Variants in ADCK2 observed in about 807,000 individuals in gnomAD.
ADCK2 encodes uncharacterized aarF domain-containing protein kinase 2.
ADCK2 carries 37 observed loss-of-function variants against 52.3 expected under a neutral mutation model. That is an observed-to-expected ratio of 0.71 (90% confidence interval 0.54 to 0.93). The LOEUF (loss-of-function observed/expected upper bound fraction) is 0.93, where lower values mean the gene tolerates loss of function less well. ADCK2 is among the 40% of genes least tolerant of loss of function. The pLI, the probability that ADCK2 is intolerant of heterozygous loss-of-function variation, is 0.00. For synonymous variants in ADCK2, 321 were observed against 349.2 expected (o/e 0.92, Z 0.90); for missense variants, 695 against 798.7 (o/e 0.87, Z 1.56).
chr7:140,679,007 C>A, intron 2 of ADCK2, 148 bp from the exon 3 acceptor site: 1 of 982,352 alleles, frequency 1.0e-6, no homozygotes, highest in Non-Finnish European at 1.5e-6. Context: ...CCACGGATGT[C>A]GCCTCCTGAG....
intron 3 of ADCK2, among the ~76,000 whole-genome samples, chr7:140,680,787 G>T (rs1794502019): frequency 6.6e-6 from 1 of 151,990 alleles, no homozygotes; most frequent in Non-Finnish European, 1.5e-5. Flanking sequence ...TTGACTTTCC[G>T]AGTTGAGGTG....
At position 140,673,684 on chromosome 7, in the gene ADCK2, C is replaced by T. The variant is rs200557441; in HGVS notation, c.354C>T (p.Pro118=). 10 of 1,611,724 alleles carry T rather than the reference C, an allele frequency of 6.2e-6. No individual in the cohort carries two copies. The East Asian group carries it at 1.8e-4, about 29-fold the overall frequency. The change falls in exon 1 of 8, where the codon CCC becomes CCT. Residue 118 remains proline (P), a synonymous_variant. Coordinates refer to ENST00000072869, the MANE Select transcript of ADCK2 (RefSeq NM_052853.4). The surrounding 1 kb of genome is among the most constrained non-coding windows in gnomAD (Gnocchi z 6.4). ...VKFFPLLLLY[P]LTYLAPSVST... The stretch of plus-strand genomic sequence containing the variant: ...TCTTCCCCCTCCTACTCCTCTACCC[C>T]CTCACCTACCTGGCTCCCAGCGTCT...
intron 3 of ADCK2, among the ~76,000 whole-genome samples, chr7:140,680,431 G>A (rs890209867): frequency 2.6e-5 from 4 of 151,582 alleles, no homozygotes; most frequent in Admixed American, 6.6e-5. Flanking sequence ...AGGATTATAC[G>A]TGTTAGCCAC....
At chr7:140,680,808 A>T (rs1476304391) in intron 3 of ADCK2, among the ~76,000 whole-genome samples, 1 of 151,658 alleles carries the variant, frequency 6.6e-6, no homozygotes, top group Non-Finnish European at 1.5e-5. Flanking sequence ...GTTCTCCCTC[A>T]TGTTGTCCAG....
Position 140,679,247 on chromosome 7 carries a change from C to A in ADCK2, c.1173C>A (p.Pro391=), listed in dbSNP as rs1794474641. 1 of 1,613,986 alleles carries A rather than the reference C, an allele frequency of 6.2e-7. No homozygotes were observed. Residue 391 remains proline, a synonymous_variant, in exon 3 of 8, where the codon CCC becomes CCA. Transcript: ENST00000072869. The stretch of plus-strand genomic sequence containing the variant: ...TCAAGTTCCCCACCCCTCTGCGCCC[C>A]TTTGTCACCAGAGAAGTCTTGGTGG... The part of the protein sequence containing the change: ...KAVKFPTPLR[P]FVTREVLVET...
At chr7:140,688,081 G>A (rs1042512095) in intron 5 of ADCK2, among the ~76,000 whole-genome samples, 2 of 148,436 alleles carry the variant, frequency 1.3e-5, no homozygotes, top group African/African-American at 5.0e-5. Context: ...GTCTCGCTCT[G>A]TCACCCAGGC....
At chr7:140,689,753 C>T in intron 6 of ADCK2, 28 bp downstream of exon 6, 1 of 1,590,620 alleles carries the variant, frequency 6.3e-7, no homozygotes, top group Non-Finnish European at 8.6e-7. Flanking sequence ...GGAACAGGGG[C>T]TGGGGAGTCC....
At chr7:140,694,112 G>C (rs929353627) in intron 7 of ADCK2, among the ~76,000 whole-genome samples, 6 of 152,112 alleles carry the variant, frequency 3.9e-5, no homozygotes, top group Non-Finnish European at 7.4e-5. Context: ...CTTGGGGCCA[G>C]GAGTTCGAGA....
intron 6 of ADCK2, among the ~76,000 whole-genome samples, 180 bp from the exon 7 acceptor site, chr7:140,690,580 G>A (rs1410939228): frequency 4.6e-5 from 7 of 151,958 alleles, no homozygotes; most frequent in Admixed American, 4.6e-4. Context: ...GTGGAGTTGG[G>A]CTTGTGCTGG....
chr7:140,674,254 G>A lies in ADCK2; in HGVS notation c.924G>A (p.Val308=). The change falls in exon 1 of 8, where the codon GTG becomes GTA. Residue 308 remains valine, a synonymous_variant. Transcript: ENST00000072869. This position sits in a 1 kb window ranked among gnomAD's most constrained non-coding sequence, Gnocchi z 4.6. ...HQPEATNLIS[V]AVKVLHPGLL... The stretch of plus-strand genomic sequence containing the variant: ...CTGAGGCCACCAACCTCATCTCCGT[G>A]GCAGTGAAAGTAAGTGTTGTGAGAG... 6.2e-7 allele frequency: 1 copy of A among 1,610,596 alleles called. No individual in the cohort carries two copies. Among genetic ancestry groups the A allele is most frequent in the East Asian group, 2.2e-5 (1 of 44,826 alleles).
rs775500142 is a variant in ADCK2 at position 140,674,780 on chromosome 7, G to A, written c.1080+23G>A. On this transcript the variant is annotated intron_variant, in intron 2 of 7. Coordinates refer to ENST00000072869, the MANE Select transcript of ADCK2 (RefSeq NM_052853.4). This position sits in a 1 kb window ranked among gnomAD's most constrained non-coding sequence, Gnocchi z 4.6. ...CAGGTGAGTTCTCCTCCCCTCAGCTGTAAATAGCACCTAACATAGTTCTTG... is the reference window on the plus strand; with the variant it reads ...CAGGTGAGTTCTCCTCCCCTCAGCTATAAATAGCACCTAACATAGTTCTTG... 1.9e-5 allele frequency: 30 copies of A among 1,609,904 alleles called. No homozygotes were observed. The highest frequency in any genetic ancestry group is 2.5e-5 in the Non-Finnish European group (30 of 1,177,334).
In ADCK2 at chr7:140,674,765, C is replaced by T. The variant is rs1430416603; in HGVS notation, c.1080+8C>T. ...AAGCTGATGGTCCAACAGGTGAGTTCTCCTCCCCTCAGCTGTAAATAGCAC... is the reference window on the plus strand; with the variant it reads ...AAGCTGATGGTCCAACAGGTGAGTTTTCCTCCCCTCAGCTGTAAATAGCAC... On this transcript the variant is annotated splice_region_variant and intron_variant, in intron 2 of 7. Transcript: ENST00000072869. The surrounding 1 kb of genome is among the most constrained non-coding windows in gnomAD (Gnocchi z 4.6). The T allele has an allele frequency of 1.9e-6, 3 of 1,612,996 alleles. No homozygotes were observed. In the African/African-American group the frequency reaches 4.0e-5, roughly 22 times the overall value.
At position 140,685,241 on chromosome 7, in the gene ADCK2, G is replaced by T. The variant is rs184297825; in HGVS notation, c.1306-1749G>T. On this transcript the variant is annotated intron_variant, in intron 4 of 7. Transcript: ENST00000072869. ...AGGCCGGCCGATCACTTGAGGTCAG[G>T]AGTCTGAGACTAGCCTGGCCAACGT... Among the ~76,000 whole-genome samples, 645 of 152,202 alleles carry T rather than the reference G, an allele frequency of 4.2e-3. 7 individuals are homozygous for T. The highest frequency in any genetic ancestry group is 0.014 in the African/African-American group (602 of 41,524).
chr7:140,674,299 C>G lies in ADCK2; in HGVS notation c.933+36C>G. The G allele has an allele frequency of 2.6e-6, 4 of 1,560,658 alleles. No individual in the cohort carries two copies. Among genetic ancestry groups the G allele is most frequent in the Non-Finnish European group, 3.5e-6 (4 of 1,149,632 alleles). On this transcript the variant is annotated intron_variant, in intron 1 of 7. Transcript: ENST00000072869. This position sits in a 1 kb window ranked among gnomAD's most constrained non-coding sequence, Gnocchi z 4.6. ...TGAGAGCTCACAGCTCACCTACCCA[C>G]TGAGCTATCCCAGATCAGAAACAAC... is the stretch of plus-strand genomic sequence containing the variant.
Position 140,678,354 on chromosome 7 carries a change from T to A in ADCK2, c.1081-801T>A, listed in dbSNP as rs1794457369. 6.6e-6 allele frequency among the ~76,000 whole-genome samples: 1 copy of A among 152,100 alleles called. No individual in the cohort carries two copies. Among genetic ancestry groups the A allele is most frequent in the Non-Finnish European group, 1.5e-5 (1 of 68,006 alleles). ...GTCTCTGGGCTCCCACCGGGCCACA[T>A]CCAGGTGTCATTGGATATATCACTC... On this transcript the variant is annotated intron_variant, in intron 2 of 7. Transcript: ENST00000072869. The surrounding 1 kb of genome is among the most constrained non-coding windows in gnomAD (Gnocchi z 4.9).
rs188625215 is a variant in ADCK2 at position 140,695,049 on chromosome 7, G to T, written c.*246G>T. On this transcript the variant is annotated 3_prime_UTR_variant, in exon 8 of 8. Transcript: ENST00000072869. Reference sequence around the variant, plus strand: ...TTGTGGAAGCTGGGCCAGGTGCCAGGGACACTCTCCTTCAGGGAAAATGTT... The same window carrying T: ...TTGTGGAAGCTGGGCCAGGTGCCAGTGACACTCTCCTTCAGGGAAAATGTT... The T allele has an allele frequency of 1.1e-4, 135 of 1,239,944 alleles. 1 individual carries two copies. Among genetic ancestry groups the T allele is most frequent in the Non-Finnish European group, 1.3e-4 (125 of 992,164 alleles). The allele number at this position is 1,239,944 out of a possible 1,614,324, so 76.8% of individuals were successfully genotyped here. A position where few individuals can be genotyped will look rare whatever the true frequency, so the allele number is the denominator to read the frequency against.
chr7:140,677,012 G>A (rs975111563), intron 2 of ADCK2, among the ~76,000 whole-genome samples: 4 of 148,198 alleles, frequency 2.7e-5, no homozygotes, highest in Non-Finnish European at 5.9e-5. Context: ...GACAGAGTGA[G>A]ATCCCATCTC....
rs76723703 is a variant in ADCK2, at chr7:140,693,088, T to A, written c.1741-1575T>A. 9.6e-4 allele frequency among the ~76,000 whole-genome samples: 146 copies of A among 152,350 alleles called. 2 individuals carry two copies. In the East Asian group the frequency reaches 0.028, roughly 29 times the overall value. On this transcript the variant is annotated intron_variant, in intron 7 of 7. Coordinates refer to ENST00000072869, the MANE Select transcript of ADCK2 (RefSeq NM_052853.4). This position sits in a 1 kb window ranked among gnomAD's most constrained non-coding sequence, Gnocchi z 4.0. ...CTCTACTGATTCATGATGTTGAACA[T>A]CTTTTCATATGCCAATTGGCCATTT...
Position 140,674,511 on chromosome 7 carries a change from A to T in ADCK2, c.934-100A>T. 1 of 1,429,076 alleles carries T rather than the reference A, an allele frequency of 7.0e-7. No homozygotes were observed. Among genetic ancestry groups the T allele is most frequent in the Non-Finnish European group, 9.4e-7 (1 of 1,065,326 alleles). 88.5% of individuals were successfully genotyped at this position (1,429,076 alleles called of 1,614,324 possible). On this transcript the variant is annotated intron_variant, in intron 1 of 7. Coordinates refer to ENST00000072869, the MANE Select transcript of ADCK2 (RefSeq NM_052853.4). The surrounding 1 kb of genome is among the most constrained non-coding windows in gnomAD (Gnocchi z 4.6). ...GGACCACATCCTCTTTTCTTTGATAAGAAGCCACCTGGCTCTTGCTTGGAT... is the reference window on the plus strand; with the variant it reads ...GGACCACATCCTCTTTTCTTTGATATGAAGCCACCTGGCTCTTGCTTGGAT...
Sources: gnomAD v4.1 joint callset for allele counts (sites outside exome capture counted in the v4.1 genomes callset) on GRCh38, gnomAD v4.1.1 for gene constraint, Gnocchi (gnomAD v3.1) non-coding constraint, MANE v1.5 for transcripts, NCBI Gene and HGNC (gene_info 2026-07-23, HGNC 2026-07-21) for gene names.